Variants in TAFA2 observed in about 807,000 individuals in gnomAD.
The protein encoded by TAFA2 is chemokine-like protein TAFA-2.
A neutral mutation model predicts 18.8 loss-of-function variants in TAFA2; 7 were observed. That is an observed-to-expected ratio of 0.37 (90% CI 0.21 to 0.70). TAFA2 has a LOEUF of 0.70. TAFA2 is among the 30% of genes least tolerant of loss of function. The pLI, the probability that TAFA2 is intolerant of heterozygous loss-of-function variation, is 0.53. For missense variants in TAFA2, 122 were observed against 158.1 expected, an observed-to-expected ratio of 0.77 and a Z score of 1.23; for synonymous variants, 60 against 54.2, an observed-to-expected ratio of 1.11 and a Z score of -0.47.
chr12:61,867,264 G>A (rs567891464), intron 2 of TAFA2, 56 bp downstream of exon 2: 2 of 1,090,408 alleles, frequency 1.8e-6, no homozygotes, highest in Admixed American at 1.9e-5. Context: ...ATAACAGTCT[G>A]TGTTAAGGGT....
At chr12:62,149,475 C>T (rs1443257581) in intron 1 of TAFA2, among the ~76,000 whole-genome samples, 2 of 151,418 alleles carry the variant, frequency 1.3e-5, no homozygotes, top group African/African-American at 4.8e-5. Flanking sequence ...ATATATCAGG[C>T]TTCTAACTAA....
chr12:61,982,876 C>CAAAAAAAAAAAAAAAAAAAAAAAAAA (rs3031097), intron 1 of TAFA2, among the ~76,000 whole-genome samples: 2 of 101,608 alleles, frequency 2.0e-5, no homozygotes, highest in African/African-American at 3.6e-5. Flanking sequence ...AAGTGGAAGG[C>CAAAAAAAAAAAAAAAAAAAAAAAAAA]AAAAAAAAAA....
intron 4 of TAFA2, among the ~76,000 whole-genome samples, chr12:61,750,347 T>C (rs1338955370): frequency 1.3e-5 from 2 of 152,038 alleles, no homozygotes; most frequent in East Asian, 1.9e-4. Context: ...GACTGAGAAA[T>C]GGGGTTTGGG....
intron 1 of TAFA2, among the ~76,000 whole-genome samples, chr12:61,891,677 T>A (rs1875643768): frequency 1.3e-5 from 2 of 150,368 alleles, no homozygotes; most frequent in African/African-American, 4.9e-5. Context: ...AAAAAGAAGG[T>A]AGAGTAGGAG....
chr12:61,878,727 G>A (rs1874976840), intron 1 of TAFA2, among the ~76,000 whole-genome samples: 1 of 152,178 alleles, frequency 6.6e-6, no homozygotes, highest in Non-Finnish European at 1.5e-5. Flanking sequence ...GTAGGCAGTA[G>A]AATACTTTCA....
chr12:61,960,198 T>C (rs1878833732), intron 1 of TAFA2, among the ~76,000 whole-genome samples: 1 of 152,104 alleles, frequency 6.6e-6, no homozygotes, highest in South Asian at 2.1e-4. Flanking sequence ...TAAATCTTAA[T>C]AACTAAAATC....
chr12:61,759,763 T>A (rs191339383), intron 2 of TAFA2, among the ~76,000 whole-genome samples: 19 of 152,082 alleles, frequency 1.2e-4, no homozygotes, highest in Admixed American at 8.5e-4. Flanking sequence ...TTTGAGTCAA[T>A]GCAGAGTCAA....
chr12:62,051,247 T>C (rs1282855183), intron 1 of TAFA2, among the ~76,000 whole-genome samples: 4 of 152,182 alleles, frequency 2.6e-5, no homozygotes, highest in African/African-American at 7.2e-5. Context: ...GGCATACAGA[T>C]TGGTCCTTAC....
intron 2 of TAFA2, among the ~76,000 whole-genome samples, chr12:61,798,306 G>A (rs61942570): frequency 0.02 from 3,045 of 151,776 alleles, 73 homozygotes; most frequent in Middle Eastern, 0.041. Flanking sequence ...CTGATTCCAG[G>A]GCCACCTGGA....
At chr12:62,099,992 ATG>A (rs1231160137) in intron 1 of TAFA2, among the ~76,000 whole-genome samples, 1 of 152,162 alleles carries the variant, frequency 6.6e-6, no homozygotes, top group African/African-American at 2.4e-5. Context: ...AAAATATTGA[ATG>A]TATTTTCTCA....
At chr12:62,126,607 G>A (rs1217676534) in intron 1 of TAFA2, among the ~76,000 whole-genome samples, 1 of 152,012 alleles carries the variant, frequency 6.6e-6, no homozygotes, top group African/African-American at 2.4e-5. Context: ...CCCCCTCTAT[G>A]TGCATAGAAG....
At chr12:61,902,674 C>G (rs1165848816) in intron 1 of TAFA2, among the ~76,000 whole-genome samples, 2 of 152,140 alleles carry the variant, frequency 1.3e-5, no homozygotes, top group African/African-American at 4.8e-5. Context: ...GATCTCATGT[C>G]TTTAATACAA....
intron 2 of TAFA2, among the ~76,000 whole-genome samples, chr12:61,842,736 G>A (rs985209889): frequency 8.6e-5 from 13 of 152,008 alleles, no homozygotes; most frequent in Non-Finnish European, 1.3e-4. Flanking sequence ...ATACAAAAGA[G>A]TAACCACAGA....
chr12:61,835,104 T>C (rs978093749), intron 2 of TAFA2, among the ~76,000 whole-genome samples: 2 of 151,586 alleles, frequency 1.3e-5, no homozygotes, highest in African/African-American at 4.8e-5. Flanking sequence ...GAAAAAAACA[T>C]TTCGATTTTA....
chr12:61,826,484 T>C (rs754923906), intron 2 of TAFA2, among the ~76,000 whole-genome samples: 2 of 151,980 alleles, frequency 1.3e-5, no homozygotes, highest in Non-Finnish European at 2.9e-5. Context: ...CAAAAACTGT[T>C]GAAATAAAAG....
At chr12:62,254,614 G>A (rs1159040250) in intron 1 of TAFA2, among the ~76,000 whole-genome samples, 1 of 152,028 alleles carries the variant, frequency 6.6e-6, no homozygotes, top group Admixed American at 6.6e-5. Flanking sequence ...GAAGCATACT[G>A]GCTAGAAACA....
chr12:61,899,750 A>G (rs4763197), intron 1 of TAFA2, among the ~76,000 whole-genome samples: 43,843 of 152,140 alleles, frequency 0.29, 6,841 homozygotes, highest in East Asian at 0.44. Context: ...TCAAAAAATT[A>G]AAAACTTCAC....
intron 1 of TAFA2, among the ~76,000 whole-genome samples, chr12:62,210,931 CA>C (rs1314101921): frequency 1.3e-5 from 2 of 151,662 alleles, no homozygotes; most frequent in African/African-American, 2.4e-5. Context: ...CCCCGCCCCC[CA>C]AAAAAACGGT....
At chr12:62,112,084 G>A (rs961542355) in intron 1 of TAFA2, among the ~76,000 whole-genome samples, 6 of 152,058 alleles carry the variant, frequency 3.9e-5, no homozygotes, top group East Asian at 1.9e-4. Context: ...TCATAGTGTC[G>A]ATGGTCTTTA....
Sources: allele counts gnomAD v4.1 joint callset (sites outside exome capture counted in the v4.1 genomes callset), GRCh38; gene constraint gnomAD v4.1.1; transcripts MANE v1.5; gene names NCBI Gene and HGNC (gene_info 2026-07-23, HGNC 2026-07-21).